CISD2: variants seen among roughly 807,000 people sequenced by gnomAD.
The protein encoded by CISD2 is CDGSH iron sulfur domain 2, also known as CDGSH iron-sulfur domain-containing protein 2.
A neutral mutation model predicts 12.9 loss-of-function variants in CISD2; 1 was observed. The observed-to-expected ratio is 0.08, with a 90% CI of 0.03 to 0.37. The LOEUF (loss-of-function observed/expected upper bound fraction) is 0.37, where lower values mean the gene tolerates loss of function less well. Among genes scored for constraint, CISD2 ranks in the 10% least tolerant of loss-of-function variants. CISD2 has a pLI of 0.99. For missense variants in CISD2, 97 were observed against 163.1 expected (o/e 0.59, Z 2.21); for synonymous variants, 50 against 60.6 (o/e 0.83, Z 0.81).
intron 1 of CISD2, 62 bp downstream of exon 1, chr4:102,869,249 G>A: frequency 2.6e-6 from 4 of 1,549,038 alleles, no homozygotes; most frequent in Non-Finnish European, 3.5e-6. Flanking sequence ...GGAAGGAGGC[G>A]TAAAAATCCT....
intron 1 of CISD2, 186 bp from the exon 2 acceptor site, chr4:102,885,023 CAAATTAT>C (rs1255893571): frequency 5.3e-6 from 3 of 563,044 alleles, no homozygotes; most frequent in East Asian, 6.3e-5. Flanking sequence ...TCACTGGTCT[CAAATTAT>C]AAATAAAGTA....
chr4:102,879,646 C>G (rs1406460771), intron 1 of CISD2, among the ~76,000 whole-genome samples: 1 of 152,028 alleles, frequency 6.6e-6, no homozygotes, highest in Non-Finnish European at 1.5e-5. Context: ...TTGGCAGGCA[C>G]CTGTAATCCT....
intron 1 of CISD2, among the ~76,000 whole-genome samples, chr4:102,881,236 T>G (rs1733713692): frequency 6.6e-6 from 1 of 152,106 alleles, no homozygotes; most frequent in Admixed American, 6.5e-5. Flanking sequence ...ACTAAAAAAG[T>G]TGATCTCATG....
Position 102,891,768 on chromosome 4 carries a change from T to C in CISD2, c.*4338T>C, listed in dbSNP as rs1230171750. On this transcript the variant is annotated 3_prime_UTR_variant, in exon 3 of 3. Transcript: ENST00000273986. ...GTTTGAGGAAAACTAAATAAAGCAG[T>C]AGCAATTTAAGTCATAATAAATTTT... 3 of 152,232 alleles carry C rather than the reference T, an allele frequency of 2.0e-5. No homozygotes were observed. Among genetic ancestry groups the C allele is most frequent in the Non-Finnish European group, 4.4e-5 (3 of 68,040 alleles). 9.4% of individuals were successfully genotyped at this position (152,232 alleles called of 1,614,324 possible).
Position 102,888,411 on chromosome 4 carries a change from A to C in CISD2, c.*981A>C, listed in dbSNP as rs1395339216. 1.3e-5 allele frequency: 2 copies of C among 152,124 alleles called. No individual in the cohort carries two copies. Among genetic ancestry groups the C allele is most frequent in the Admixed American group, 6.5e-5 (1 of 15,274 alleles). 9.4% of individuals were successfully genotyped at this position (152,124 alleles called of 1,614,324 possible). A position where few individuals can be genotyped will look rare whatever the true frequency, so the allele number is the denominator to read the frequency against. ...GCCCTCCAGTTGACCCTCCGTACAC[A>C]TGAGTTTCACATCCCATGCACAAAT... is the stretch of plus-strand genomic sequence containing the variant. On this transcript the variant is annotated 3_prime_UTR_variant, in exon 3 of 3. Transcript: ENST00000273986.
intron 1 of CISD2, among the ~76,000 whole-genome samples, chr4:102,879,528 A>G (rs1181498100): frequency 2.0e-5 from 3 of 152,152 alleles, no homozygotes; most frequent in Non-Finnish European, 4.4e-5. Context: ...AATGCCTGTA[A>G]TCTCAGCACT....
intron 1 of CISD2, among the ~76,000 whole-genome samples, chr4:102,882,102 G>A (rs1190027134): frequency 6.6e-6 from 1 of 152,180 alleles, no homozygotes; most frequent in African/African-American, 2.4e-5. Context: ...TGAGGCAGGA[G>A]GATAGCTTGT....
At chr4:102,876,888 A>G (rs1733604989) in intron 1 of CISD2, among the ~76,000 whole-genome samples, 2 of 152,206 alleles carry the variant, frequency 1.3e-5, no homozygotes, top group Non-Finnish European at 1.5e-5. Flanking sequence ...CTTCTTCACA[A>G]GGAGGCTGGA....
At chr4:102,873,853 G>A (rs1349608303) in intron 1 of CISD2, among the ~76,000 whole-genome samples, 1 of 151,864 alleles carries the variant, frequency 6.6e-6, no homozygotes, top group Non-Finnish European at 1.5e-5. Context: ...GCCAGGTACG[G>A]TGTGGCTCAT....
At chr4:102,876,712 T>A (rs1008886842) in intron 1 of CISD2, among the ~76,000 whole-genome samples, 3 of 151,524 alleles carry the variant, frequency 2.0e-5, no homozygotes, top group Non-Finnish European at 4.4e-5. Context: ...ATCATGCCAC[T>A]GCACTCCAGC....
intron 1 of CISD2, among the ~76,000 whole-genome samples, chr4:102,871,692 C>T (rs1049688886): frequency 1.3e-5 from 2 of 152,076 alleles, no homozygotes; most frequent in Non-Finnish European, 2.9e-5. Context: ...AAATGAGTTA[C>T]TTGTAGAATC....
At position 102,884,940 on chromosome 4, in the gene CISD2, A is replaced by T. The variant is rs572183217; in HGVS notation, c.104-276A>T. The stretch of plus-strand genomic sequence containing the variant: ...CCTAAAATAAAAATAGACAAACACA[A>T]ATAGACTTGATGTAGACAATGAGAT... On this transcript the variant is annotated intron_variant, in intron 1 of 2. Coordinates refer to ENST00000273986, the MANE Select transcript of CISD2 (RefSeq NM_001008388.5). 76 of 388,340 alleles carry T rather than the reference A, an allele frequency of 2.0e-4. 1 individual carries two copies. The highest frequency in any genetic ancestry group is 1.8e-3 in the South Asian group (76 of 41,886). 24.1% of individuals were successfully genotyped at this position (388,340 alleles called of 1,614,324 possible).
chr4:102,885,127 C>A lies in CISD2; in HGVS notation c.104-89C>A, dbSNP rs75722531. ...AAAAAGGAATTAATGTAAAAAGTAA[C>A]AAAGAATAAGCTCAAGGATGAAACT... is the stretch of plus-strand genomic sequence containing the variant. On this transcript the variant is annotated intron_variant, in intron 1 of 2. Coordinates refer to ENST00000273986, the MANE Select transcript of CISD2 (RefSeq NM_001008388.5). 4.7e-3 allele frequency: 5,055 copies of A among 1,071,656 alleles called. 52 individuals carry two copies. Among genetic ancestry groups the A allele is most frequent in the African/African-American group, 0.039 (2,354 of 60,996 alleles). The allele number at this position is 1,071,656 out of a possible 1,614,324, so 66.4% of individuals were successfully genotyped here.
chr4:102,878,921 A>T (rs2110395635), intron 1 of CISD2, among the ~76,000 whole-genome samples: 1 of 152,296 alleles, frequency 6.6e-6, no homozygotes, highest in East Asian at 1.9e-4. Flanking sequence ...ACTACCCCAA[A>T]CTGGGTAATT....
intron 1 of CISD2, among the ~76,000 whole-genome samples, chr4:102,870,705 CTGACAGAATTG>C (rs1225943550): frequency 6.6e-6 from 1 of 152,174 alleles, no homozygotes; most frequent in Non-Finnish European, 1.5e-5. Flanking sequence ...CCAGTTTACT[CTGACAGAATTG>C]CAGCAATTCC....
intron 1 of CISD2, among the ~76,000 whole-genome samples, chr4:102,873,352 G>A (rs1158345710): frequency 2.0e-5 from 3 of 152,022 alleles, no homozygotes; most frequent in Non-Finnish European, 4.4e-5. Context: ...ACTCATTGCA[G>A]CCTTGACTTC....
At chr4:102,870,064 AG>A (rs2110390328) in intron 1 of CISD2, among the ~76,000 whole-genome samples, 1 of 152,360 alleles carries the variant, frequency 6.6e-6, no homozygotes, top group Non-Finnish European at 1.5e-5. Context: ...GGAATCAGCA[AG>A]TATTGAACTC....
At chr4:102,880,419 A>C (rs771246840) in intron 1 of CISD2, among the ~76,000 whole-genome samples, 1 of 152,360 alleles carries the variant, frequency 6.6e-6, no homozygotes, top group East Asian at 1.9e-4. Flanking sequence ...ATGTATTTAC[A>C]TACCAAAAAA....
rs114168354 is a variant in CISD2, at chr4:102,891,740, A to G, written c.*4310A>G. On this transcript the variant is annotated 3_prime_UTR_variant, in exon 3 of 3. Coordinates refer to ENST00000273986, the MANE Select transcript of CISD2 (RefSeq NM_001008388.5). Reference sequence around the variant, plus strand: ...TTACTACATAATTATTTATTTTGTTAAAGTTTGAGGAAAACTAAATAAAGC... The same window carrying G: ...TTACTACATAATTATTTATTTTGTTGAAGTTTGAGGAAAACTAAATAAAGC... 6.6e-6 allele frequency: 1 copy of G among 152,230 alleles called. No homozygotes were observed. Among genetic ancestry groups the G allele is most frequent in the Non-Finnish European group, 1.5e-5 (1 of 68,036 alleles). 9.4% of individuals were successfully genotyped at this position (152,230 alleles called of 1,614,324 possible).
Sources: gnomAD v4.1 joint callset for allele counts (sites outside exome capture counted in the v4.1 genomes callset) on GRCh38, gnomAD v4.1.1 for gene constraint, MANE v1.5 for transcripts, NCBI Gene and HGNC (gene_info 2026-07-23, HGNC 2026-07-21) for gene names.